DTNBP1: variants seen among roughly 807,000 people sequenced by gnomAD.
DTNBP1 encodes the protein dystrobrevin binding protein 1.
A neutral mutation model predicts 42.8 loss-of-function variants in DTNBP1; 35 were observed. The observed-to-expected ratio is 0.82, with a 90% CI of 0.63 to 1.09. The LOEUF (loss-of-function observed/expected upper bound fraction) is 1.09, where lower values mean the gene tolerates loss of function less well. Among genes scored for constraint, DTNBP1 ranks in the 50% least tolerant of loss-of-function variants. DTNBP1 has a pLI of 0.00. For missense variants in DTNBP1, 457 were observed against 424.2 expected, an observed-to-expected ratio of 1.08 and a Z score of -0.68; for synonymous variants, 171 against 162.2, an observed-to-expected ratio of 1.05 and a Z score of -0.41.
chr6:15,623,274 C>A (rs903336582), intron 5 of DTNBP1, among the ~76,000 whole-genome samples: 1 of 152,278 alleles, frequency 6.6e-6, no homozygotes, highest in African/African-American at 2.4e-5. Context: ...CTCTAAAATT[C>A]TGTACAGAAA....
At chr6:15,649,952 T>C (rs911666719) in intron 3 of DTNBP1, among the ~76,000 whole-genome samples, 7 of 152,244 alleles carry the variant, frequency 4.6e-5, no homozygotes, top group African/African-American at 1.7e-4. Flanking sequence ...AAACAATACA[T>C]TACTGATTAA....
At chr6:15,649,043 AC>A (rs1216470404) in intron 3 of DTNBP1, among the ~76,000 whole-genome samples, 1 of 152,118 alleles carries the variant, frequency 6.6e-6, no homozygotes, top group Non-Finnish European at 1.5e-5. Context: ...AGAAATTAGA[AC>A]CTTTATACAA....
intron 7 of DTNBP1, among the ~76,000 whole-genome samples, chr6:15,565,879 A>G (rs1775048632): frequency 6.6e-6 from 1 of 152,214 alleles, no homozygotes; most frequent in Admixed American, 6.5e-5. Context: ...ATCTCATGTG[A>G]CCATGTAGTT....
intron 8 of DTNBP1, among the ~76,000 whole-genome samples, chr6:15,525,772 G>A (rs775866503): frequency 1.3e-5 from 2 of 152,160 alleles, no homozygotes; most frequent in African/African-American, 4.8e-5. Flanking sequence ...GAGCATAAAA[G>A]GTACGAAAGA....
At chr6:15,559,221 C>T (rs1234770990) in intron 7 of DTNBP1, among the ~76,000 whole-genome samples, 3 of 152,144 alleles carry the variant, frequency 2.0e-5, no homozygotes, top group Admixed American at 2.0e-4. Flanking sequence ...CAGTTGAAAG[C>T]GATCGTCAAG....
intron 5 of DTNBP1, among the ~76,000 whole-genome samples, chr6:15,617,995 T>C (rs1181431991): frequency 6.6e-6 from 1 of 152,160 alleles, no homozygotes; most frequent in Non-Finnish European, 1.5e-5. Flanking sequence ...ATTAATATCC[T>C]TTCCTTTGAA....
In DTNBP1 at chr6:15,618,644, C is replaced by A. The variant is rs182183279; in HGVS notation, c.356-3245G>T. 4.2e-3 allele frequency among the ~76,000 whole-genome samples: 633 copies of A among 152,026 alleles called. 5 individuals are homozygous for A. The highest frequency in any genetic ancestry group is 0.014 in the African/African-American group (590 of 41,456). On this transcript the variant is annotated intron_variant, in intron 5 of 9. Coordinates refer to ENST00000344537, the MANE Select transcript of DTNBP1 (RefSeq NM_032122.5). ...TTGTCGGGAATTTAAATTAGTATAACCACTATGGAAAACAGTATGGAAGTT... is the reference window on the plus strand; with the variant it reads ...TTGTCGGGAATTTAAATTAGTATAAACACTATGGAAAACAGTATGGAAGTT...
intron 7 of DTNBP1, among the ~76,000 whole-genome samples, chr6:15,556,241 GCA>G (rs1774513019): frequency 6.6e-6 from 1 of 151,580 alleles, no homozygotes; most frequent in African/African-American, 2.4e-5. Context: ...GAGTGCAGTG[GCA>G]CAGTCTCAGC....
intron 8 of DTNBP1, among the ~76,000 whole-genome samples, chr6:15,525,722 C>T (rs529647943): frequency 1.1e-4 from 17 of 152,144 alleles, no homozygotes; most frequent in Non-Finnish European, 1.8e-4. Flanking sequence ...GTAAATCTGC[C>T]ATAATGCAGC....
chr6:15,609,575 T>A (rs918256957), intron 6 of DTNBP1, among the ~76,000 whole-genome samples: 3 of 152,206 alleles, frequency 2.0e-5, no homozygotes, highest in Non-Finnish European at 4.4e-5. Flanking sequence ...CACCTTGGCC[T>A]CCCAAAGTGC....
chr6:15,642,606 C>T (rs924201825), intron 3 of DTNBP1, among the ~76,000 whole-genome samples: 3 of 152,198 alleles, frequency 2.0e-5, no homozygotes, highest in South Asian at 2.1e-4. Context: ...GATCTCCACA[C>T]CCTCAGCTCC....
In DTNBP1 at chr6:15,560,822, C is replaced by A. The variant is rs114391941; in HGVS notation, c.512-27427G>T. On this transcript the variant is annotated intron_variant, in intron 7 of 9. Coordinates refer to ENST00000344537, the MANE Select transcript of DTNBP1 (RefSeq NM_032122.5). ...CACACAGGTATTTGCAAGCACAAAC[C>A]CCTGGCTGGGCTCAAACCTTTAATA... Among the ~76,000 whole-genome samples, 651 of 152,248 alleles carry A rather than the reference C, an allele frequency of 4.3e-3. 9 individuals carry two copies. Among genetic ancestry groups the A allele is most frequent in the African/African-American group, 0.015 (627 of 41,526 alleles).
intron 4 of DTNBP1, among the ~76,000 whole-genome samples, chr6:15,631,173 T>C (rs1477151651): frequency 1.3e-5 from 2 of 152,218 alleles, no homozygotes; most frequent in East Asian, 1.9e-4. Context: ...TTTAATACTA[T>C]GCATACTAAA....
chr6:15,604,696 T>C (rs943416629), intron 6 of DTNBP1, among the ~76,000 whole-genome samples: 1 of 152,194 alleles, frequency 6.6e-6, no homozygotes, highest in Admixed American at 6.5e-5. Flanking sequence ...ATATCTGTTA[T>C]ACTTTGTTCT....
intron 1 of DTNBP1, among the ~76,000 whole-genome samples, chr6:15,658,818 C>G (rs182171643): frequency 3.6e-4 from 55 of 152,356 alleles, no homozygotes; most frequent in African/African-American, 1.3e-3. Flanking sequence ...TCCAAGAATT[C>G]TGACTCAGTT....
At chr6:15,533,581 T>A in intron 7 of DTNBP1, 186 bp from the exon 8 acceptor site, 1 of 976,176 alleles carries the variant, frequency 1.0e-6, no homozygotes, top group Non-Finnish European at 1.6e-6. Context: ...TTCCTCCCCC[T>A]ACCTGGGCGG....
intron 7 of DTNBP1, among the ~76,000 whole-genome samples, chr6:15,557,926 A>G (rs1774618903): frequency 6.6e-6 from 1 of 152,104 alleles, no homozygotes; most frequent in East Asian, 1.9e-4. Flanking sequence ...TCAGTCCCCT[A>G]AAGTAAAAAA....
intron 8 of DTNBP1, among the ~76,000 whole-genome samples, chr6:15,532,452 T>A (rs1678049023): frequency 6.6e-6 from 1 of 152,160 alleles, no homozygotes; most frequent in African/African-American, 2.4e-5. Context: ...CACAACCTCT[T>A]ATAGTATTTT....
chr6:15,629,902 C>G (rs1468981233), intron 4 of DTNBP1, among the ~76,000 whole-genome samples: 1 of 152,082 alleles, frequency 6.6e-6, no homozygotes, highest in Non-Finnish European at 1.5e-5. Context: ...AAGTAAAAAT[C>G]TAGCAAAAGA....
Sources: gnomAD v4.1 joint callset for allele counts (sites outside exome capture counted in the v4.1 genomes callset) on GRCh38, gnomAD v4.1.1 for gene constraint, MANE v1.5 for transcripts, NCBI Gene and HGNC (gene_info 2026-07-23, HGNC 2026-07-21) for gene names.